SS18L1: variants seen among roughly 807,000 people sequenced by gnomAD.
SS18L1 encodes calcium-responsive transactivator.
SS18L1 carries 32 observed loss-of-function variants against 70.3 expected under a neutral mutation model. The observed-to-expected ratio is 0.46, with a 90% CI of 0.34 to 0.61. SS18L1 has a LOEUF of 0.61. Among genes scored for constraint, SS18L1 ranks in the 20% least tolerant of loss-of-function variants. SS18L1 has a pLI of 0.01. For synonymous variants in SS18L1, 237 were observed against 229.7 expected (o/e 1.03, Z -0.29); for missense variants, 430 against 542.1 (o/e 0.79, Z 2.05).
At chr20:62,145,665 C>T (rs2057012119) in intron 1 of SS18L1, among the ~76,000 whole-genome samples, 1 of 152,224 alleles carries the variant, frequency 6.6e-6, no homozygotes, top group Admixed American at 6.5e-5. Flanking sequence ...CACCTGTGGA[C>T]CGTGGGTCCC....
intron 8 of SS18L1, among the ~76,000 whole-genome samples, chr20:62,167,048 T>TG (rs1555825433): frequency 1.5e-5 from 2 of 133,404 alleles, no homozygotes; most frequent in East Asian, 4.6e-4. Context: ...GTTTGTTTTT[T>TG]TTTTTTTTTT....
rs1422826742 is a variant in SS18L1, at chr20:62,174,526, A to G, written c.1046A>G (p.Gln349Arg). ...PGQQQGYGSAQGAPSQYPGYQ... is the reference protein window; with the variant it reads ...PGQQQGYGSARGAPSQYPGYQ... ...CCTGGTGTCTTCTCAGGGTCTGCCC[A>G]GGGAGCCCCGTCACAGTACCCCGGC... Residue 349 changes from glutamine to arginine, a missense_variant, in exon 10 of 11, where the codon CAG (glutamine) becomes CGG (arginine). Gln to Arg is a conservative substitution (Grantham distance 43, BLOSUM62 1). Transcript: ENST00000331758. The surrounding 1 kb of genome is among the most constrained non-coding windows in gnomAD (Gnocchi z 4.1). 2.5e-6 allele frequency: 4 copies of G among 1,614,010 alleles called. No homozygotes were observed. The highest frequency in any genetic ancestry group is 3.4e-6 in the Non-Finnish European group (4 of 1,180,004).
chr20:62,154,252 ATCTT>A, intron 1 of SS18L1: 2 of 925,998 alleles, frequency 2.2e-6, no homozygotes, highest in Non-Finnish European at 2.6e-6. Flanking sequence ...CCACTTGTTC[ATCTT>A]CCTTGTCTTT....
chr20:62,161,132 C>T lies in SS18L1; in HGVS notation c.232-304C>T, dbSNP rs1234288464. Among the ~76,000 whole-genome samples the T allele has an allele frequency of 1.3e-5, 2 of 151,362 alleles. No individual in the cohort carries two copies. The highest frequency in any genetic ancestry group is 2.1e-4 in the South Asian group (1 of 4,672). ...ACGGGGTGCGTTCAGCCTGGTGGGC[C>T]GGGAAAGGGGTTCCCTGCTGTCCCA... On this transcript the variant is annotated intron_variant, in intron 3 of 10. Coordinates refer to ENST00000331758, the MANE Select transcript of SS18L1 (RefSeq NM_198935.3). The surrounding 1 kb of genome is among the most constrained non-coding windows in gnomAD (Gnocchi z 4.4).
chr20:62,175,230 G>A (rs970645480), intron 10 of SS18L1: 3 of 984,850 alleles, frequency 3.0e-6, no homozygotes, highest in Admixed American at 6.1e-5. Flanking sequence ...TGAAGGAGCT[G>A]AGGAAAGAGC....
Position 62,151,986 on chromosome 20 carries a change from G to A in SS18L1, c.70-6686G>A, listed in dbSNP as rs149547057. Among the ~76,000 whole-genome samples the A allele has an allele frequency of 1.0e-3, 120 of 119,082 alleles. 5 individuals are homozygous for A. Among genetic ancestry groups the A allele is most frequent in the African/African-American group, 3.7e-3 (106 of 28,646 alleles). The allele number at this position is 119,082 out of a possible 152,430, so 78.1% of individuals were successfully genotyped here. A position where few individuals can be genotyped will look rare whatever the true frequency, so the allele number is the denominator to read the frequency against. On this transcript the variant is annotated intron_variant, in intron 1 of 10. Coordinates refer to ENST00000331758, the MANE Select transcript of SS18L1 (RefSeq NM_198935.3). ...GTTCCCCTCTTTTCCCGGTCCCCAG[G>A]GCTGGCCTCCCCCGTTCCCCTCTTT...
chr20:62,165,547 G>A lies in SS18L1; in HGVS notation c.916+33G>A, dbSNP rs527990658. ...GCACGGCTGCGTGCTGGGCTCGAGCGTAAGCGCCACACGCAGCAGAGTTAA... is the reference window on the plus strand; with the variant it reads ...GCACGGCTGCGTGCTGGGCTCGAGCATAAGCGCCACACGCAGCAGAGTTAA... On this transcript the variant is annotated intron_variant, in intron 8 of 10. Transcript: ENST00000331758. 236 of 1,547,462 alleles carry A rather than the reference G, an allele frequency of 1.5e-4. 2 individuals carry two copies. The South Asian group carries it at 1.9e-3, about 12-fold the overall frequency.
In SS18L1 at chr20:62,163,585, G is replaced by T. The variant is rs2057372248; in HGVS notation, c.684G>T (p.Gly228=). The T allele has an allele frequency of 3.1e-6, 5 of 1,607,018 alleles. No homozygotes were observed. The East Asian group carries it at 1.1e-4, about 36-fold the overall frequency. The change falls in exon 6 of 11, where the codon GGG becomes GGT. Residue 228 remains glycine, a synonymous_variant. Coordinates refer to ENST00000331758, the MANE Select transcript of SS18L1 (RefSeq NM_198935.3). Reference sequence around the variant, plus strand: ...GCAGCCAGGGGAGCAGCATGATGGGGCAGCGGCCCATGGCGCCCTACCGGC... The same window carrying T: ...GCAGCCAGGGGAGCAGCATGATGGGTCAGCGGCCCATGGCGCCCTACCGGC... ...GQGSQGSSMM[G]QRPMAPYRPS... is the part of the protein sequence containing the mutation.
chr20:62,168,190 C>A (rs2057469240), intron 8 of SS18L1, among the ~76,000 whole-genome samples: 1 of 151,930 alleles, frequency 6.6e-6, no homozygotes, highest in African/African-American at 2.4e-5. Context: ...GAGAAATTTG[C>A]TGAAAAGCTT....
At position 62,158,648 on chromosome 20, in the gene SS18L1, C is replaced by T. The variant is rs756328806; in HGVS notation, c.70-24C>T. 23 of 1,610,136 alleles carry T rather than the reference C, an allele frequency of 1.4e-5. No individual in the cohort carries two copies. The highest frequency in any genetic ancestry group is 4.4e-5 in the South Asian group (4 of 91,008). ...GTCAGCGACAGCCCCGCGTCGGCAG[C>T]GCCCGCTCACGCTCTCTCCGCAGAT... is the stretch of plus-strand genomic sequence containing the variant. On this transcript the variant is annotated intron_variant, in intron 1 of 10. Transcript: ENST00000331758. This position sits in a 1 kb window ranked among gnomAD's most constrained non-coding sequence, Gnocchi z 4.5.
At chr20:62,169,697 T>C (rs1270647681) in intron 8 of SS18L1, among the ~76,000 whole-genome samples, 1 of 151,918 alleles carries the variant, frequency 6.6e-6, no homozygotes, top group Non-Finnish European at 1.5e-5. Context: ...GAGAATCACT[T>C]GAACCCAGGA....
intron 1 of SS18L1, among the ~76,000 whole-genome samples, chr20:62,157,059 G>A (rs941590781): frequency 2.0e-5 from 3 of 151,378 alleles, no homozygotes; most frequent in African/African-American, 4.9e-5. Flanking sequence ...CTCCTCTCTC[G>A]CCTCCCGTTG....
intron 1 of SS18L1, among the ~76,000 whole-genome samples, chr20:62,155,188 C>T (rs934808052): frequency 6.6e-6 from 1 of 152,046 alleles, no homozygotes; most frequent in East Asian, 1.9e-4. Context: ...ATCAGTTGAA[C>T]CTAGGAGATC....
At position 62,162,122 on chromosome 20, in the gene SS18L1, G is replaced by A. The variant is rs1305178094; in HGVS notation, c.376+542G>A. Among the ~76,000 whole-genome samples, 4 of 152,282 alleles carry A rather than the reference G, an allele frequency of 2.6e-5. No homozygotes were observed. The East Asian group carries it at 7.7e-4, about 29-fold the overall frequency. ...TGTAGTCCAAACTGTTAAATACTCG[G>A]GAGACTGAGGAGAGAGGGTCACTTG... On this transcript the variant is annotated intron_variant, in intron 4 of 10. Coordinates refer to ENST00000331758, the MANE Select transcript of SS18L1 (RefSeq NM_198935.3).
At chr20:62,147,920 A>G (rs1456205956) in intron 1 of SS18L1, among the ~76,000 whole-genome samples, 5 of 152,154 alleles carry the variant, frequency 3.3e-5, no homozygotes, top group Non-Finnish European at 5.9e-5. Flanking sequence ...CACACCCAGT[A>G]GGCAGTGGGC....
rs76838882 is a variant in SS18L1, at chr20:62,149,984, C to T, written c.69+6095C>T. Among the ~76,000 whole-genome samples, 20 of 152,318 alleles carry T rather than the reference C, an allele frequency of 1.3e-4. No homozygotes were observed. The East Asian group carries it at 2.9e-3, about 22-fold the overall frequency. ...TGTGCTGTGCTGTGACAGCCCAAAG[C>T]GCCATGAGACTGGAAGTGATTGCCA... On this transcript the variant is annotated intron_variant, in intron 1 of 10. Transcript: ENST00000331758.
intron 1 of SS18L1, among the ~76,000 whole-genome samples, chr20:62,156,054 C>T (rs773483720): frequency 4.2e-5 from 6 of 142,090 alleles, no homozygotes; most frequent in East Asian, 2.3e-4. Context: ...TACTGTGTTT[C>T]GTCGTGCTTC....
intron 8 of SS18L1, among the ~76,000 whole-genome samples, chr20:62,167,956 A>G (rs185077180): frequency 1.1e-3 from 158 of 149,992 alleles, no homozygotes; most frequent in African/African-American, 3.8e-3. Context: ...GCTGGGACTA[A>G]AGGCATGCAC....
intron 8 of SS18L1, among the ~76,000 whole-genome samples, chr20:62,168,197 G>T (rs1380144455): frequency 6.6e-6 from 1 of 152,006 alleles, no homozygotes; most frequent in African/African-American, 2.4e-5. Flanking sequence ...TTGCTGAAAA[G>T]CTTAGTAACC....
Sources: gnomAD v4.1 joint callset for allele counts (sites outside exome capture counted in the v4.1 genomes callset) on GRCh38, gnomAD v4.1.1 for gene constraint, Gnocchi (gnomAD v3.1) non-coding constraint, MANE v1.5 for transcripts, NCBI Gene and HGNC (gene_info 2026-07-23, HGNC 2026-07-21) for gene names.